Variants in JKAMP observed in about 807,000 individuals in gnomAD.
The protein encoded by JKAMP is JNK1/MAPK8 associated membrane protein, also known as JNK1/MAPK8-associated membrane protein.
Under a neutral mutation model 40.2 loss-of-function variants are expected in JKAMP, and 20 were observed. That is an observed-to-expected ratio of 0.50 (90% confidence interval 0.35 to 0.72). The LOEUF (loss-of-function observed/expected upper bound fraction) is 0.72, where lower values mean the gene tolerates loss of function less well. JKAMP is among the 30% of genes least tolerant of loss of function. The pLI is 0.01. For missense variants in JKAMP, 276 were observed against 373.0 expected (o/e 0.74, Z 2.14); for synonymous variants, 138 against 131.6 (o/e 1.05, Z -0.33).
In JKAMP at chr14:59,495,870, A is replaced by G. The variant is rs182086763; in HGVS notation, c.458+646A>G. 6.1e-3 allele frequency among the ~76,000 whole-genome samples: 923 copies of G among 150,826 alleles called. 29 individuals are homozygous for G. The highest frequency in any genetic ancestry group is 0.054 in the Admixed American group (820 of 15,274). ...TAGGTACAAAACAACCAGATATCTT[A>G]GAAAAAATGAAAATCTTCTTTTCTA... On this transcript the variant is annotated intron_variant, in intron 4 of 6. Coordinates refer to ENST00000616435, the MANE Select transcript of JKAMP (RefSeq NM_016475.5).
chr14:59,498,805 T>A lies in JKAMP; in HGVS notation c.537T>A (p.Ile179=). Residue 179 remains isoleucine, a synonymous_variant, in exon 5 of 7, where the codon ATT becomes ATA. Transcript: ENST00000616435. ...MLLRPLLVKK[I]ACGLGKSDRF... Reference sequence around the variant, plus strand: ...TCCGACCTCTTCTGGTGAAGAAGATTGCATGTGGGTTAGGGAAATCTGATC... The same window carrying A: ...TCCGACCTCTTCTGGTGAAGAAGATAGCATGTGGGTTAGGGAAATCTGATC... The A allele has an allele frequency of 6.2e-7, 1 of 1,609,940 alleles. No homozygotes were observed. Among genetic ancestry groups the A allele is most frequent in the Non-Finnish European group, 8.5e-7 (1 of 1,176,460 alleles).
intron 4 of JKAMP, 101 bp from the exon 5 acceptor site, chr14:59,498,626 C>T (rs1200876044): frequency 1.5e-6 from 1 of 681,170 alleles, no homozygotes; most frequent in Non-Finnish European, 2.4e-6. Context: ...AGTAAATATG[C>T]TTTTTAAACC....
chr14:59,502,594 T>C (rs1464368704), intron 6 of JKAMP, among the ~76,000 whole-genome samples: 1 of 152,164 alleles, frequency 6.6e-6, no homozygotes, highest in Non-Finnish European at 1.5e-5. Flanking sequence ...TGTTTTCATC[T>C]GTAGATGATC....
rs186041133 is a variant in JKAMP at position 59,484,887 on chromosome 14, G to A, written c.4+294G>A. On this transcript the variant is annotated intron_variant, in intron 1 of 6. Transcript: ENST00000616435. ...TAATGTCGAGGGAACACTTGCTTGA[G>A]GGTTGACTTCGGAATTGAAAACGCG... 162 of 1,327,394 alleles carry A rather than the reference G, an allele frequency of 1.2e-4. No homozygotes were observed. The East Asian group carries it at 3.9e-3, about 32-fold the overall frequency. 82.2% of individuals were successfully genotyped at this position (1,327,394 alleles called of 1,614,324 possible).
chr14:59,492,570 C>T (rs751072721), intron 3 of JKAMP, among the ~76,000 whole-genome samples: 11 of 152,288 alleles, frequency 7.2e-5, no homozygotes, highest in African/African-American at 2.6e-4. Context: ...ATTTATGGTT[C>T]TCCCCAGTCG....
At chr14:59,498,508 T>G (rs1891613786) in intron 4 of JKAMP, among the ~76,000 whole-genome samples, 1 of 152,220 alleles carries the variant, frequency 6.6e-6, no homozygotes, top group Admixed American at 6.5e-5. Flanking sequence ...TTAGGATTTT[T>G]GGTACATATT....
chr14:59,502,662 G>A (rs1377055149), intron 6 of JKAMP, among the ~76,000 whole-genome samples: 2 of 151,768 alleles, frequency 1.3e-5, no homozygotes, highest in Admixed American at 6.6e-5. Context: ...AAAGAAGATA[G>A]GAAAATTAGT....
At position 59,490,013 on chromosome 14, in the gene JKAMP, C is replaced by T. The variant is rs111901321; in HGVS notation, c.251+2185C>T. 2.1e-3 allele frequency among the ~76,000 whole-genome samples: 319 copies of T among 152,216 alleles called. 1 individual carries two copies. Among genetic ancestry groups the T allele is most frequent in the African/African-American group, 6.9e-3 (286 of 41,548 alleles). On this transcript the variant is annotated intron_variant, in intron 3 of 6. Transcript: ENST00000616435. ...TCACTGGTTACTGCAACCTTGACTT[C>T]CTAGGCTCAAGTGATCTTCCCATCT...
chr14:59,496,108 G>T (rs1487298044), intron 4 of JKAMP, among the ~76,000 whole-genome samples: 1 of 152,196 alleles, frequency 6.6e-6, no homozygotes, highest in Non-Finnish European at 1.5e-5. Context: ...GTTTTGCCAT[G>T]TTGGCCAGGC....
chr14:59,490,043 C>T (rs1890872423), intron 3 of JKAMP, among the ~76,000 whole-genome samples: 1 of 152,108 alleles, frequency 6.6e-6, no homozygotes, highest in South Asian at 2.1e-4. Context: ...CCATCTCAGC[C>T]TTCCAAGTAG....
chr14:59,502,874 C>T (rs1425400314), intron 6 of JKAMP, among the ~76,000 whole-genome samples: 1 of 147,442 alleles, frequency 6.8e-6, no homozygotes, highest in Non-Finnish European at 1.5e-5. Context: ...GCCTCAGCTT[C>T]CTGAGTAGCT....
chr14:59,497,427 C>G (rs543645459), intron 4 of JKAMP, among the ~76,000 whole-genome samples: 1 of 152,278 alleles, frequency 6.6e-6, no homozygotes, highest in South Asian at 2.1e-4. Flanking sequence ...TAATCACTTC[C>G]AGAAACTAGT....
intron 1 of JKAMP, chr14:59,485,359 T>A (rs1408095097): frequency 7.3e-6 from 3 of 409,048 alleles, no homozygotes; most frequent in Non-Finnish European, 1.3e-5. Context: ...AAGCGCCCAT[T>A]AAAGAGGCCA....
chr14:59,496,147 C>A (rs867341720), intron 4 of JKAMP, among the ~76,000 whole-genome samples: 9 of 152,176 alleles, frequency 5.9e-5, no homozygotes, highest in Non-Finnish European at 1.0e-4. Context: ...CTTAAGTGAT[C>A]TACCCACCTT....
chr14:59,497,484 A>G (rs867965215), intron 4 of JKAMP, among the ~76,000 whole-genome samples: 8 of 152,158 alleles, frequency 5.3e-5, no homozygotes, highest in African/African-American at 1.9e-4. Context: ...TCCTGATTAA[A>G]GTGAATCTTT....
chr14:59,490,818 A>G (rs182525885), intron 3 of JKAMP, among the ~76,000 whole-genome samples: 62 of 152,322 alleles, frequency 4.1e-4, no homozygotes, highest in African/African-American at 1.4e-3. Flanking sequence ...TGTCCAGTCA[A>G]TTGGTGGGAA....
chr14:59,487,052 A>T, intron 2 of JKAMP: 1 of 318,868 alleles, frequency 3.1e-6, no homozygotes. Flanking sequence ...AATAGAAAAA[A>T]ATTAGCTGGG....
intron 5 of JKAMP, among the ~76,000 whole-genome samples, chr14:59,499,552 T>C (rs1891716444): frequency 6.6e-6 from 1 of 152,178 alleles, no homozygotes; most frequent in South Asian, 2.1e-4. Context: ...ATAAGACAAA[T>C]TCACTGTTAA....
At chr14:59,486,544 C>T (rs1184477613) in intron 1 of JKAMP, 169 bp from the exon 2 acceptor site, 1 of 603,478 alleles carries the variant, frequency 1.7e-6, no homozygotes, top group Non-Finnish European at 2.9e-6. Context: ...TCTGCAGTGT[C>T]ACAGTGTAAA....
Sources: allele counts gnomAD v4.1 joint callset (sites outside exome capture counted in the v4.1 genomes callset), GRCh38; gene constraint gnomAD v4.1.1; transcripts MANE v1.5; gene names NCBI Gene and HGNC (gene_info 2026-07-23, HGNC 2026-07-21).